RALGDS: variants seen among roughly 807,000 people sequenced by gnomAD.
RALGDS encodes ral guanine nucleotide dissociation stimulator.
RALGDS carries 44 observed loss-of-function variants against 99.8 expected under a neutral mutation model. That is an observed-to-expected ratio of 0.44 (90% CI 0.35 to 0.57). The LOEUF (loss-of-function observed/expected upper bound fraction) is 0.57. Among genes scored for constraint, RALGDS ranks in the 20% least tolerant of loss-of-function variants. The probability of loss-of-function intolerance (pLI) is 0.01; values close to 1 mark genes in which losing one functional copy is unlikely to be tolerated. For synonymous variants in RALGDS, 529 were observed against 505.0 expected (o/e 1.05, Z -0.64); for missense variants, 1,022 against 1,203.1 (o/e 0.85, Z 2.23).
At position 133,107,979 on chromosome 9, in the gene RALGDS, G is replaced by T; in HGVS notation, c.1197+9C>A. On this transcript the variant is annotated intron_variant, in intron 6 of 17. Coordinates refer to ENST00000372050, the MANE Select transcript of RALGDS (RefSeq NM_006266.4). ...GCCCACCCCTGCCCTGCCAAGCTGA[G>T]CTGCTCACCGCATCCATCAGTGTAA... 1 of 1,612,936 alleles carries T rather than the reference G, an allele frequency of 6.2e-7. No homozygotes were observed.
upstream of RALGDS, among the ~76,000 whole-genome samples, chr9:133,123,429 GC>G (rs953636680): frequency 8.5e-5 from 13 of 152,160 alleles, no homozygotes; most frequent in Non-Finnish European, 1.8e-4. Context: ...GCGAGGGGTG[GC>G]CCCAAGGAGG....
chr9:133,116,146 G>A (rs1588542809), intron 1 of RALGDS, among the ~76,000 whole-genome samples: 1 of 143,628 alleles, frequency 7.0e-6, no homozygotes, highest in Admixed American at 7.0e-5. Flanking sequence ...GTCCGTGTCC[G>A]TGACCCTCCT....
chr9:133,131,154 G>A (rs534794097), upstream of RALGDS: 12 of 1,422,252 alleles, frequency 8.4e-6, no homozygotes, highest in African/African-American at 1.5e-5. Context: ...CTGCTCCTCT[G>A]AGCATCTCAC....
At position 133,105,931 on chromosome 9, in the gene RALGDS, C is replaced by T; in HGVS notation, c.1602+1G>A. 1 of 1,566,392 alleles carries T rather than the reference C, an allele frequency of 6.4e-7. No individual in the cohort carries two copies. The highest frequency in any genetic ancestry group is 8.6e-7 in the Non-Finnish European group (1 of 1,156,784). ...CCCGCCCCAGCCTGCCGCCACTCCA[C>T]CTTGATGAGCAGCTCCCGGCTCAAT... On this transcript the variant is annotated splice_donor_variant, in intron 9 of 17. Coordinates refer to ENST00000372050, the MANE Select transcript of RALGDS (RefSeq NM_006266.4). LOFTEE classifies it high-confidence loss of function.
intron 12 of RALGDS, 112 bp from the exon 13 acceptor site, chr9:133,103,012 C>A: frequency 2.0e-6 from 3 of 1,505,672 alleles, no homozygotes; most frequent in East Asian, 2.3e-5. Context: ...CCCATCCAGG[C>A]CTTCCTGTTC....
In RALGDS at chr9:133,107,148, C is replaced by T. The variant is rs1373842233; in HGVS notation, c.1350G>A (p.Gly450=). The change falls in exon 7 of 18, where the codon GGG becomes GGA. Residue 450 remains glycine, a synonymous_variant. Transcript: ENST00000372050. ...TGTCTGGGGCTTTCGTGCTTCGGTT[C>T]CCGAGGCAGGTGGTGATGACACAGT... ...VANCVITTCL[G]NRSTKAPDRA... The T allele has an allele frequency of 1.2e-6, 2 of 1,613,812 alleles. No individual in the cohort carries two copies. The highest frequency in any genetic ancestry group is 2.2e-5 in the South Asian group (2 of 91,090).
chr9:133,107,866 T>C (rs1278710109), intron 6 of RALGDS, 122 bp downstream of exon 6: 1 of 1,286,092 alleles, frequency 7.8e-7, no homozygotes, highest in African/African-American at 1.5e-5. Context: ...TTACTTGGTG[T>C]GTAGCAGCAG....
chr9:133,139,150 A>C (rs626365), intron 1 of RALGDS, among the ~76,000 whole-genome samples: 55,386 of 151,972 alleles, frequency 0.36, 10,493 homozygotes, highest in East Asian at 0.56. Flanking sequence ...AGAGAGATGC[A>C]CCTGCCCCCA....
intron 4 of RALGDS, 112 bp from the exon 5 acceptor site, chr9:133,108,978 C>T: frequency 1.2e-5 from 13 of 1,068,676 alleles, no homozygotes; most frequent in South Asian, 4.1e-5. Context: ...GCCCAAGCCC[C>T]CTTGGCTGTC....
At chr9:133,125,971 CG>C (rs1832141178), upstream of RALGDS, among the ~76,000 whole-genome samples, 1 of 152,156 alleles carries the variant, frequency 6.6e-6, no homozygotes, top group Non-Finnish European at 1.5e-5. Context: ...AACCCGAGTC[CG>C]GATGCCCACA....
chr9:133,111,041 C>T (rs1831311584), intron 2 of RALGDS, among the ~76,000 whole-genome samples: 1 of 152,198 alleles, frequency 6.6e-6, no homozygotes, highest in Non-Finnish European at 1.5e-5. Context: ...GCATGGCAGC[C>T]TGGGTGACAG....
intron 16 of RALGDS, 50 bp downstream of exon 16, chr9:133,101,470 G>A (rs1307230332): frequency 3.1e-6 from 5 of 1,607,252 alleles, no homozygotes; most frequent in African/African-American, 1.3e-5. Flanking sequence ...TGTTCAGGGT[G>A]CATTTGCCGC....
chr9:133,121,038 G>A lies in RALGDS; in HGVS notation c.117C>T (p.Val39=). Residue 39 remains valine, a synonymous_variant, in exon 1 of 18, where the codon GTC becomes GTT. Transcript: ENST00000372050. ...VWDAVRLEVG[V]PDSCPVVLHS... is the part of the protein sequence containing the mutation. The stretch of plus-strand genomic sequence containing the variant: ...GCAGCACCACCGGGCAGCTGTCGGG[G>A]ACGCCCACCTCCAGGCGCACGGCGT... 6.7e-7 allele frequency: 1 copy of A among 1,495,140 alleles called. No individual in the cohort carries two copies. The allele number at this position is 1,495,140 out of a possible 1,614,324, so 92.6% of individuals were successfully genotyped here.
At chr9:133,102,430 T>C (rs748535829) in intron 14 of RALGDS, 46 bp downstream of exon 14, 2 of 1,579,304 alleles carry the variant, frequency 1.3e-6, no homozygotes, top group Admixed American at 3.3e-5. Context: ...CTGAAGCTTC[T>C]GAGCCCCAAG....
Position 133,121,199 on chromosome 9 carries a change from GGGGCGGCGGCGCGGCCCGCGCGGCT to G in RALGDS, c.-70_-46del. Reference sequence around the variant, plus strand: ...CGCGGGGCCGGCCCGGCGCGCGGCGGGGGCGGCGGCGCGGCCCGCGCGGCTGGGCTTTGCCACCGCTGTGAGCCCG... The same window carrying G: ...CGCGGGGCCGGCCCGGCGCGCGGCGGGGGCTTTGCCACCGCTGTGAGCCCG... On this transcript the variant is annotated 5_prime_UTR_variant, in exon 1 of 18. Transcript: ENST00000372050. The G allele has an allele frequency of 1.1e-6, 1 of 884,370 alleles. No individual in the cohort carries two copies. The allele number at this position is 884,370 out of a possible 1,614,324, so 54.8% of individuals were successfully genotyped here.
At chr9:133,121,351 C>G (rs1401435481), upstream of RALGDS, 1 of 456,694 alleles carries the variant, frequency 2.2e-6, no homozygotes, top group Admixed American at 6.5e-5. Context: ...CGCGTGCGTG[C>G]GCGCGCCCGC....
intron 1 of RALGDS, among the ~76,000 whole-genome samples, chr9:133,127,081 C>G (rs1341742145): frequency 2.0e-5 from 3 of 152,254 alleles, no homozygotes; most frequent in African/African-American, 7.2e-5. Context: ...CCCCTTCTGT[C>G]TGGCTGGTGC....
intron 1 of RALGDS, among the ~76,000 whole-genome samples, chr9:133,143,786 CAATAAT>C (rs144862270): frequency 0.065 from 8,123 of 124,648 alleles, 303 homozygotes; most frequent in South Asian, 0.11. Flanking sequence ...ACAACAACAA[CAATAAT>C]AATAATAATA....
At chr9:133,100,711 A>G in intron 16 of RALGDS, 2 of 1,224,282 alleles carry the variant, frequency 1.6e-6, no homozygotes, top group South Asian at 1.6e-5. Flanking sequence ...AGCATCACTG[A>G]GCCTGGGGAA....
Sources: allele counts gnomAD v4.1 joint callset (sites outside exome capture counted in the v4.1 genomes callset), GRCh38; gene constraint gnomAD v4.1.1; transcripts MANE v1.5; gene names NCBI Gene and HGNC (gene_info 2026-07-23, HGNC 2026-07-21).